Variants in STIP1 observed in about 807,000 individuals in gnomAD.
The protein encoded by STIP1 is stress-induced-phosphoprotein 1.
A neutral mutation model predicts 77.4 loss-of-function variants in STIP1; 16 were observed. The observed-to-expected ratio is 0.21, with a 90% CI of 0.14 to 0.31. The LOEUF is 0.31. Ranked by LOEUF, STIP1 falls within the 10% of genes least tolerant of loss-of-function variation. The pLI, the probability that STIP1 is intolerant of heterozygous loss-of-function variation, is 1.00. For missense variants in STIP1, 524 were observed against 684.8 expected, an observed-to-expected ratio of 0.77 and a Z score of 2.62; for synonymous variants, 258 against 246.6, an observed-to-expected ratio of 1.05 and a Z score of -0.44.
intron 7 of STIP1, 61 bp downstream of exon 7, chr11:64,197,656 G>A: frequency 1.2e-6 from 2 of 1,600,092 alleles, no homozygotes; most frequent in Admixed American, 3.3e-5. Flanking sequence ...CAAGACTTAA[G>A]TTTCTCTGCA....
chr11:64,199,966 G>C lies in STIP1; in HGVS notation c.1050G>C (p.Glu350Asp). 1.2e-6 allele frequency: 2 copies of C among 1,614,174 alleles called. No individual in the cohort carries two copies. The highest frequency in any genetic ancestry group is 1.7e-6 in the Non-Finnish European group (2 of 1,180,042). The change falls in exon 9 of 14, where the codon GAG becomes GAC. Residue 350 changes from glutamate (E) to aspartate (D), a missense_variant. Glu to Asp is a conservative substitution (Grantham distance 45). Transcript: ENST00000305218. ...QQAEKILKEQ[E>D]RLAYINPDLA... is the part of the protein sequence containing the mutation. The stretch of plus-strand genomic sequence containing the variant: ...CAGAGAAAATCCTGAAGGAGCAAGA[G>C]CGGCTGGCCTACATAAACCCCGACC...
intron 1 of STIP1, among the ~76,000 whole-genome samples, chr11:64,190,688 A>G (rs905204982): frequency 2.0e-5 from 3 of 151,972 alleles, no homozygotes; most frequent in African/African-American, 7.3e-5. Flanking sequence ...TTCGGTGACA[A>G]CTCTATCTCA....
intron 1 of STIP1, among the ~76,000 whole-genome samples, chr11:64,192,258 G>A (rs1360345412): frequency 4.6e-5 from 7 of 152,192 alleles, no homozygotes; most frequent in African/African-American, 1.7e-4. Flanking sequence ...AGGTTGCAGT[G>A]AGCCGAGATC....
intron 5 of STIP1, among the ~76,000 whole-genome samples, chr11:64,196,338 A>G (rs1317342561): frequency 6.7e-6 from 1 of 150,224 alleles, no homozygotes; most frequent in African/African-American, 2.5e-5. Context: ...AGAGGTTGCA[A>G]TAAGCTGAGA....
intron 1 of STIP1, among the ~76,000 whole-genome samples, chr11:64,191,345 C>T (rs953989401): frequency 5.9e-5 from 9 of 151,470 alleles, no homozygotes; most frequent in Non-Finnish European, 1.0e-4. Flanking sequence ...CGGTGGCTCA[C>T]GCCTGTAATC....
At chr11:64,200,873 C>T (rs184110315) in intron 10 of STIP1, among the ~76,000 whole-genome samples, 246 of 152,086 alleles carry the variant, frequency 1.6e-3, no homozygotes, top group African/African-American at 5.5e-3. Context: ...GGCACAATCT[C>T]GGCTCACTGC....
intron 13 of STIP1, 116 bp from the exon 14 acceptor site, chr11:64,203,938 C>A: frequency 7.7e-7 from 1 of 1,300,378 alleles, no homozygotes; most frequent in Non-Finnish European, 1.1e-6. Context: ...CCGGGCCTCG[C>A]CAGGACCCCT....
chr11:64,200,163 C>G lies in STIP1; in HGVS notation c.1121-6C>G. The stretch of plus-strand genomic sequence containing the variant: ...TTAAAAGACAGTCTTTGTTTTTCTT[C>G]CCCAGGGGACTATCCCCAGGCCATG... On this transcript the variant is annotated splice_region_variant and splice_polypyrimidine_tract_variant and intron_variant, in intron 9 of 13. Transcript: ENST00000305218. The G allele has an allele frequency of 6.2e-7, 1 of 1,610,048 alleles. No individual in the cohort carries two copies. Among genetic ancestry groups the G allele is most frequent in the Non-Finnish European group, 8.5e-7 (1 of 1,178,264 alleles).
At chr11:64,185,920 A>G (rs1438548663), upstream of STIP1, 10 of 1,536,102 alleles carry the variant, frequency 6.5e-6, no homozygotes, top group East Asian at 1.5e-4. Flanking sequence ...AGTGCAAAAG[A>G]CCAATCCGTG....
At chr11:64,197,022 T>A (rs992496121) in intron 5 of STIP1, 5 of 491,942 alleles carry the variant, frequency 1.0e-5, no homozygotes, top group Non-Finnish European at 1.8e-5. Context: ...AGAAGCGCTC[T>A]GCTTCCTGAC....
Position 64,197,985 on chromosome 11 carries a change from A to G in STIP1, c.1023+11A>G, listed in dbSNP as rs1186476897. 2 of 1,609,562 alleles carry G rather than the reference A, an allele frequency of 1.2e-6. No individual in the cohort carries two copies. Among genetic ancestry groups the G allele is most frequent in the Non-Finnish European group, 1.7e-6 (2 of 1,178,480 alleles). On this transcript the variant is annotated intron_variant, in intron 8 of 13. Transcript: ENST00000305218. ...AAGAAATGCCAGCAGGTGCGTAGGA[A>G]AAGAATAGGGGTATTTTCTTGTTTT...
intron 2 of STIP1, among the ~76,000 whole-genome samples, chr11:64,193,614 T>G (rs1313777535): frequency 6.6e-6 from 1 of 152,144 alleles, no homozygotes; most frequent in Non-Finnish European, 1.5e-5. Context: ...TGAAACCCTG[T>G]CTGTACTAAA....
At chr11:64,191,016 C>T (rs753146223) in intron 1 of STIP1, among the ~76,000 whole-genome samples, 4 of 151,822 alleles carry the variant, frequency 2.6e-5, no homozygotes, top group Non-Finnish European at 4.4e-5. Flanking sequence ...GGAGAAACCC[C>T]GTCTCTACTA....
chr11:64,200,099 G>A, intron 9 of STIP1, 63 bp downstream of exon 9: 13 of 1,612,746 alleles, frequency 8.1e-6, no homozygotes, highest in East Asian at 2.2e-5. Flanking sequence ...GCCTGGCTGT[G>A]GGGTAAATGG....
chr11:64,195,751 C>T lies in STIP1; in HGVS notation c.610C>T (p.Pro204Ser), dbSNP rs774331520. The T allele has an allele frequency of 9.3e-6, 15 of 1,613,962 alleles. No homozygotes were observed. Among genetic ancestry groups the T allele is most frequent in the South Asian group, 7.7e-5 (7 of 91,076 alleles). The change falls in exon 5 of 14, where the codon CCT becomes TCT. Residue 204 changes from proline (P) to serine (S), a missense_variant. By Grantham distance (74) the Pro-to-Ser change is moderately conservative. Transcript: ENST00000305218. ...EEIATPPPPP[P>S]PKKETKPEPM... ...GATTGCAACACCTCCACCACCACCC[C>T]CTCCCAAAAAGGAGACCAAGCCAGA... is the stretch of plus-strand genomic sequence containing the variant.
At chr11:64,194,040 C>T (rs533202039) in intron 2 of STIP1, 149 bp from the exon 3 acceptor site, 20 of 1,118,562 alleles carry the variant, frequency 1.8e-5, no homozygotes, top group Middle Eastern at 3.1e-4. Context: ...GCCTTGGCCT[C>T]GTAGCCTACT....
upstream of STIP1, chr11:64,185,525 G>C: frequency 2.4e-6 from 1 of 419,236 alleles, no homozygotes; most frequent in Non-Finnish European, 4.3e-6. Flanking sequence ...GGGACAGGCA[G>C]CTCCCACCGG....
intron 1 of STIP1, among the ~76,000 whole-genome samples, chr11:64,189,659 A>T (rs1245667579): frequency 2.0e-5 from 3 of 152,180 alleles, no homozygotes; most frequent in Non-Finnish European, 4.4e-5. Flanking sequence ...ATTCAGCAAA[A>T]CAGTATTTAC....
rs200187351 is a variant in STIP1 at position 64,200,193 on chromosome 11, A to G, written c.1145A>G (p.His382Arg). Residue 382 changes from histidine (H) to arginine (R), a missense_variant, in exon 10 of 14, where the codon CAT becomes CGT. Physicochemically the swap from His to Arg is conservative, Grantham distance 29. Transcript: ENST00000305218. ...GGGGACTATCCCCAGGCCATGAAGCATTATACAGAAGCCATCAAAAGGAAC... is the reference window on the plus strand; with the variant it reads ...GGGGACTATCCCCAGGCCATGAAGCGTTATACAGAAGCCATCAAAAGGAAC... ...QKGDYPQAMK[H>R]YTEAIKRNPK... is the part of the protein sequence containing the mutation. The G allele has an allele frequency of 1.2e-6, 2 of 1,613,914 alleles. No individual in the cohort carries two copies. Among genetic ancestry groups the G allele is most frequent in the South Asian group, 1.1e-5 (1 of 91,064 alleles).
Sources: allele counts gnomAD v4.1 joint callset (sites outside exome capture counted in the v4.1 genomes callset), GRCh38; gene constraint gnomAD v4.1.1; transcripts MANE v1.5; gene names NCBI Gene and HGNC (gene_info 2026-07-23, HGNC 2026-07-21).